The following CLHC1 variants were observed in gnomAD, a reference collection of about 807,000 sequenced individuals.
The protein encoded by CLHC1 is clathrin heavy chain linker domain-containing protein 1.
In CLHC1, 72 loss-of-function variants were observed where a neutral mutation model predicts 69.5. That is an observed-to-expected ratio of 1.04 (90% CI 0.86 to 1.26). CLHC1 has a LOEUF of 1.26. CLHC1 is among the 50% of genes most tolerant of loss of function. The probability of loss-of-function intolerance (pLI) is 0.00; values close to 1 mark genes in which losing one functional copy is unlikely to be tolerated. For synonymous variants in CLHC1, 223 were observed against 224.3 expected, an observed-to-expected ratio of 0.99 and a Z score of 0.05; for missense variants, 790 against 679.3, an observed-to-expected ratio of 1.16 and a Z score of -1.81.
intron 1 of CLHC1, among the ~76,000 whole-genome samples, chr2:55,231,201 G>T (rs531309476): frequency 1.3e-5 from 2 of 148,932 alleles, no homozygotes; most frequent in African/African-American, 2.5e-5. Flanking sequence ...AGTGAGCCGA[G>T]ACCGCGCCAC....
At chr2:55,213,843 T>C (rs1673234109) in intron 4 of CLHC1, among the ~76,000 whole-genome samples, 1 of 152,170 alleles carries the variant, frequency 6.6e-6, no homozygotes, top group Non-Finnish European at 1.5e-5. Context: ...GGACTCAATC[T>C]GAATATGACA....
At chr2:55,227,826 T>G (rs375774688) in intron 2 of CLHC1, among the ~76,000 whole-genome samples, 1 of 145,686 alleles carries the variant, frequency 6.9e-6, no homozygotes, top group Admixed American at 7.0e-5. Flanking sequence ...GGCCTATTAG[T>G]GCCCTTCAGA....
At chr2:55,185,607 C>A (rs1670345433) in intron 9 of CLHC1, among the ~76,000 whole-genome samples, 1 of 152,082 alleles carries the variant, frequency 6.6e-6, no homozygotes, top group Non-Finnish European at 1.5e-5. Context: ...AGAACAATGC[C>A]CAGCACATAT....
chr2:55,222,291 T>C lies in CLHC1; in HGVS notation c.121A>G (p.Ser41Gly). The C allele has an allele frequency of 1.9e-6, 3 of 1,613,818 alleles. No individual in the cohort carries two copies. The highest frequency in any genetic ancestry group is 1.1e-5 in the South Asian group (1 of 91,078). The change falls in exon 3 of 13, where the codon AGT becomes GGT. Residue 41 changes from serine (S) to glycine (G), a missense_variant. Physicochemically the swap from Ser to Gly is moderately conservative, Grantham distance 56. Coordinates refer to ENST00000401408, the MANE Select transcript of CLHC1 (RefSeq NM_152385.4). ...IITETERLGCSEEGPADEYYI... is the reference protein window; with the variant it reads ...IITETERLGCGEEGPADEYYI... Reference sequence around the variant, plus strand: ...TATTCATCAGCAGGTCCTTCCTCACTACAGCCCAGTCTTTCAGTTTCTGTA... The same window carrying C: ...TATTCATCAGCAGGTCCTTCCTCACCACAGCCCAGTCTTTCAGTTTCTGTA...
At chr2:55,226,086 G>A (rs987882533) in intron 2 of CLHC1, among the ~76,000 whole-genome samples, 1 of 151,946 alleles carries the variant, frequency 6.6e-6, no homozygotes, top group Non-Finnish European at 1.5e-5. Context: ...CAGCTACTCA[G>A]GAGGCTGAGG....
At position 55,195,560 on chromosome 2, in the gene CLHC1, C is replaced by T. The variant is rs530882198; in HGVS notation, c.1006+10710G>A. ...CTCACACCTGTAATCCCAGCACTTTCGGAGGCCAAGGCAGGCAGATCACTT... is the reference window on the plus strand; with the variant it reads ...CTCACACCTGTAATCCCAGCACTTTTGGAGGCCAAGGCAGGCAGATCACTT... On this transcript the variant is annotated intron_variant, in intron 9 of 12. Transcript: ENST00000401408. Among the ~76,000 whole-genome samples, 8 of 152,112 alleles carry T rather than the reference C, an allele frequency of 5.3e-5. No individual in the cohort carries two copies. The East Asian group carries it at 9.7e-4, about 18-fold the overall frequency.
intron 9 of CLHC1, among the ~76,000 whole-genome samples, chr2:55,182,873 C>T (rs1343110933): frequency 6.6e-6 from 1 of 152,044 alleles, no homozygotes; most frequent in South Asian, 2.1e-4. Context: ...GGGTACACAC[C>T]ACCAGAATCA....
chr2:55,178,773 A>G (rs1669643731), intron 11 of CLHC1, among the ~76,000 whole-genome samples: 1 of 152,142 alleles, frequency 6.6e-6, no homozygotes, highest in African/African-American at 2.4e-5. Flanking sequence ...TACCCGAAAC[A>G]TAATTTGAAC....
rs577985722 is a variant in CLHC1 at position 55,190,084 on chromosome 2, G to T, written c.1007-8340C>A. Among the ~76,000 whole-genome samples the T allele has an allele frequency of 2.2e-4, 33 of 152,090 alleles. No homozygotes were observed. In the South Asian group the frequency reaches 6.9e-3, roughly 32 times the overall value. ...TTTTGAGACGGAGTCTCACTCTGTGGCCCAGGCTGGAGTGCAGTGGCGTGA... is the reference window on the plus strand; with the variant it reads ...TTTTGAGACGGAGTCTCACTCTGTGTCCCAGGCTGGAGTGCAGTGGCGTGA... On this transcript the variant is annotated intron_variant, in intron 9 of 12. Coordinates refer to ENST00000401408, the MANE Select transcript of CLHC1 (RefSeq NM_152385.4).
At chr2:55,197,533 C>G (rs1410540929) in intron 9 of CLHC1, among the ~76,000 whole-genome samples, 2 of 152,156 alleles carry the variant, frequency 1.3e-5, no homozygotes, top group Non-Finnish European at 2.9e-5. Flanking sequence ...AGGACTGCAA[C>G]TTGGAGAGAC....
chr2:55,225,458 C>CT (rs1674598384), intron 2 of CLHC1: 1 of 152,252 alleles, frequency 6.6e-6, no homozygotes, highest in Admixed American at 6.5e-5. Context: ...ATCTGGGTAC[C>CT]TGACATTCTC....
intron 9 of CLHC1, among the ~76,000 whole-genome samples, chr2:55,194,869 T>G (rs1671253134): frequency 6.6e-6 from 1 of 152,270 alleles, no homozygotes; most frequent in Non-Finnish European, 1.5e-5. Flanking sequence ...GTGTGTGTGT[T>G]TGTGCATGTG....
intron 12 of CLHC1, 102 bp downstream of exon 12, chr2:55,177,500 A>G (rs562037625): frequency 7.2e-6 from 5 of 695,548 alleles, no homozygotes; most frequent in Non-Finnish European, 1.1e-5. Flanking sequence ...CTTGCTAAGA[A>G]GGAACTCTTA....
intron 7 of CLHC1, among the ~76,000 whole-genome samples, chr2:55,208,950 A>G (rs978768868): frequency 2.1e-5 from 3 of 146,110 alleles, no homozygotes; most frequent in Admixed American, 7.1e-5. Flanking sequence ...GGCTCACTGC[A>G]AGCTCCGCCT....
chr2:55,199,083 G>A (rs774194019), intron 9 of CLHC1, among the ~76,000 whole-genome samples: 1 of 151,962 alleles, frequency 6.6e-6, no homozygotes, highest in Non-Finnish European at 1.5e-5. Flanking sequence ...GACTGCCTGA[G>A]TTCAGGAGTT....
chr2:55,192,320 A>T (rs887653264), intron 9 of CLHC1, among the ~76,000 whole-genome samples: 1 of 152,094 alleles, frequency 6.6e-6, no homozygotes, highest in Non-Finnish European at 1.5e-5. Flanking sequence ...GGTTTTCACC[A>T]TGTTGGCCAG....
At chr2:55,194,127 CAGGGAATGAGGAG>C (rs1221625461) in intron 9 of CLHC1, among the ~76,000 whole-genome samples, 16 of 151,964 alleles carry the variant, frequency 1.1e-4, no homozygotes, top group African/African-American at 3.9e-4. Context: ...AAGAAGAGGC[CAGGGAATGAGGAG>C]TTAATGGGTA....
At chr2:55,222,085 C>A in intron 3 of CLHC1, 150 bp downstream of exon 3, 1 of 604,484 alleles carries the variant, frequency 1.7e-6, no homozygotes, top group Non-Finnish European at 2.8e-6. Context: ...CCCATTCATG[C>A]CTTTCTGAGA....
At chr2:55,217,420 G>C (rs931524883) in intron 4 of CLHC1, among the ~76,000 whole-genome samples, 1 of 147,544 alleles carries the variant, frequency 6.8e-6, no homozygotes, top group Non-Finnish European at 1.5e-5. Flanking sequence ...CTATTCAGGA[G>C]GCTGAGGCAA....
Sources: gnomAD v4.1 joint callset for allele counts (sites outside exome capture counted in the v4.1 genomes callset) on GRCh38, gnomAD v4.1.1 for gene constraint, MANE v1.5 for transcripts, NCBI Gene and HGNC (gene_info 2026-07-23, HGNC 2026-07-21) for gene names.